The following ARHGAP15 variants were observed in gnomAD, a reference collection of about 807,000 sequenced individuals.
ARHGAP15 encodes Rho GTPase activating protein 15.
ARHGAP15 carries 51 observed loss-of-function variants against 63.7 expected under a neutral mutation model. The observed-to-expected ratio is 0.80, with a 90% CI of 0.64 to 1.01. The LOEUF (loss-of-function observed/expected upper bound fraction) is 1.01. Ranked by LOEUF, ARHGAP15 falls within the 50% of genes least tolerant of loss-of-function variation. ARHGAP15 has a pLI of 0.00. For missense variants in ARHGAP15, 560 were observed against 564.6 expected (o/e 0.99, Z 0.08); for synonymous variants, 191 against 193.8 (o/e 0.99, Z 0.12).
At chr2:143,246,554 C>G (rs1438271295) in intron 5 of ARHGAP15, among the ~76,000 whole-genome samples, 2 of 151,860 alleles carry the variant, frequency 1.3e-5, no homozygotes, top group African/African-American at 2.4e-5. Context: ...AGAAGGTAGA[C>G]ATTATTTGTA....
chr2:143,572,115 AT>A (rs1247038042), intron 11 of ARHGAP15: 1 of 152,036 alleles, frequency 6.6e-6, no homozygotes, highest in South Asian at 2.1e-4. Context: ...AGACTGAGCT[AT>A]TTTTCAGTTT....
chr2:143,219,984 A>G (rs1380634648), intron 4 of ARHGAP15, among the ~76,000 whole-genome samples: 2 of 152,138 alleles, frequency 1.3e-5, no homozygotes, highest in Admixed American at 1.3e-4. Context: ...TATCCCCTCC[A>G]AGTTTATGGG....
intron 6 of ARHGAP15, among the ~76,000 whole-genome samples, chr2:143,317,058 A>G (rs948187489): frequency 3.0e-4 from 45 of 152,112 alleles, no homozygotes; most frequent in African/African-American, 9.6e-4. Context: ...CTCTCTCTCC[A>G]ACTTTACCCT....
At chr2:143,140,073 G>T (rs771481236) in intron 1 of ARHGAP15, among the ~76,000 whole-genome samples, 3 of 152,108 alleles carry the variant, frequency 2.0e-5, no homozygotes, top group Non-Finnish European at 4.4e-5. Flanking sequence ...ATCAGGTCTT[G>T]AATCAAAGAG....
intron 11 of ARHGAP15, among the ~76,000 whole-genome samples, chr2:143,575,660 A>G (rs772435448): frequency 6.6e-6 from 1 of 152,128 alleles, no homozygotes; most frequent in African/African-American, 2.4e-5. Flanking sequence ...TGATGGGCAC[A>G]TTACTCTTCT....
At chr2:143,218,265 G>A (rs1574105884) in intron 4 of ARHGAP15, among the ~76,000 whole-genome samples, 3 of 95,860 alleles carry the variant, frequency 3.1e-5, no homozygotes, top group South Asian at 7.3e-4. Flanking sequence ...AAAGTTATAT[G>A]TTTTAGTTTT....
At chr2:143,579,822 C>T (rs1696821600) in intron 11 of ARHGAP15, among the ~76,000 whole-genome samples, 1 of 151,428 alleles carries the variant, frequency 6.6e-6, no homozygotes, top group South Asian at 2.1e-4. Flanking sequence ...TCCAGCACTC[C>T]CTGCACAGAG....
chr2:143,178,785 C>T (rs546269927), intron 2 of ARHGAP15, among the ~76,000 whole-genome samples: 2 of 152,226 alleles, frequency 1.3e-5, no homozygotes, highest in East Asian at 1.9e-4. Flanking sequence ...TGTTAATTTT[C>T]CTGCTACTGA....
intron 12 of ARHGAP15, among the ~76,000 whole-genome samples, chr2:143,628,524 C>T (rs1179846559): frequency 6.6e-6 from 1 of 152,182 alleles, no homozygotes; most frequent in African/African-American, 2.4e-5. Flanking sequence ...CCCGTTCACC[C>T]TTGCCACCCA....
chr2:143,365,318 A>T (rs1686249546), intron 6 of ARHGAP15, among the ~76,000 whole-genome samples: 1 of 152,222 alleles, frequency 6.6e-6, no homozygotes, highest in Admixed American at 6.5e-5. Flanking sequence ...TTAGGACAGG[A>T]TATTCAGCAA....
intron 11 of ARHGAP15, among the ~76,000 whole-genome samples, chr2:143,579,180 C>T (rs542002005): frequency 5.3e-5 from 8 of 152,194 alleles, no homozygotes; most frequent in Non-Finnish European, 1.2e-4. Flanking sequence ...CATAATTAAG[C>T]ATAATTATAT....
At chr2:143,476,449 G>A (rs1308024854) in intron 8 of ARHGAP15, among the ~76,000 whole-genome samples, 2 of 152,136 alleles carry the variant, frequency 1.3e-5, no homozygotes. Context: ...TATGCCCAAA[G>A]TTGGCTTAAG....
chr2:143,561,609 G>A (rs935331951), intron 11 of ARHGAP15, among the ~76,000 whole-genome samples: 4 of 149,854 alleles, frequency 2.7e-5, no homozygotes, highest in African/African-American at 9.9e-5. Flanking sequence ...TCCACCTCCC[G>A]GGTTCAAGCG....
At chr2:143,428,589 C>T (rs1028294744) in intron 6 of ARHGAP15, among the ~76,000 whole-genome samples, 2 of 151,780 alleles carry the variant, frequency 1.3e-5, no homozygotes, top group Non-Finnish European at 2.9e-5. Context: ...TAGTAAAAGG[C>T]ACAAAAATTT....
chr2:143,217,001 G>A (rs769008102), intron 4 of ARHGAP15, among the ~76,000 whole-genome samples: 1 of 152,102 alleles, frequency 6.6e-6, no homozygotes, highest in Non-Finnish European at 1.5e-5. Context: ...TAATTGTGTG[G>A]TATATACCGT....
chr2:143,228,555 T>C, intron 4 of ARHGAP15, 26 bp from the exon 5 acceptor site: 2 of 1,509,380 alleles, frequency 1.3e-6, no homozygotes, highest in Non-Finnish European at 1.8e-6. Context: ...TAATGCTTTC[T>C]TTCCCTTTTA....
At chr2:143,752,598 A>G (rs1421617425) in intron 13 of ARHGAP15, among the ~76,000 whole-genome samples, 1 of 152,080 alleles carries the variant, frequency 6.6e-6, no homozygotes, top group Non-Finnish European at 1.5e-5. Context: ...CCACTCATAG[A>G]ACTAATAATC....
intron 1 of ARHGAP15, among the ~76,000 whole-genome samples, chr2:143,141,943 T>C (rs1689387521): frequency 1.3e-5 from 2 of 152,074 alleles, no homozygotes; most frequent in Admixed American, 1.3e-4. Context: ...GGAGAGGACC[T>C]GTAGACAAGA....
chr2:143,556,298 T>C (rs1695794811), intron 10 of ARHGAP15, 110 bp from the exon 11 acceptor site: 2 of 806,006 alleles, frequency 2.5e-6, no homozygotes, highest in African/African-American at 1.8e-5. Flanking sequence ...CACAAATTGG[T>C]TTTATCTGAG....
Sources: allele counts gnomAD v4.1 joint callset (sites outside exome capture counted in the v4.1 genomes callset), GRCh38; gene constraint gnomAD v4.1.1; transcripts MANE v1.5; gene names NCBI Gene and HGNC (gene_info 2026-07-23, HGNC 2026-07-21).